The following WASF2 variants were observed in gnomAD, a reference collection of about 807,000 sequenced individuals.
WASF2 encodes the protein WASP family member 2.
A neutral mutation model predicts 45.0 loss-of-function variants in WASF2; 14 were observed. The ratio of observed to expected loss-of-function variants is 0.31; its 90% CI spans 0.21 to 0.49. The LOEUF (loss-of-function observed/expected upper bound fraction) is 0.49, where lower values mean the gene tolerates loss of function less well. Among genes scored for constraint, WASF2 ranks in the 20% least tolerant of loss-of-function variants. WASF2 has a pLI of 0.99. For missense variants in WASF2, 439 were observed against 636.1 expected (o/e 0.69, Z 3.33); for synonymous variants, 200 against 236.3 (o/e 0.85, Z 1.41).
chr1:27,477,637 C>T (rs112535405), intron 1 of WASF2, among the ~76,000 whole-genome samples: 14,880 of 132,398 alleles, frequency 0.11, 1,740 homozygotes, highest in East Asian at 0.27. Context: ...CGGTGGCTCA[C>T]GCCTGTAATC....
chr1:27,427,416 C>T (rs1431790246), intron 2 of WASF2, among the ~76,000 whole-genome samples: 1 of 152,218 alleles, frequency 6.6e-6, no homozygotes, highest in Non-Finnish European at 1.5e-5. Flanking sequence ...ACCCATTTGG[C>T]CTTCTCAGAG....
Position 27,419,065 on chromosome 1 carries a change from CA to C in WASF2, c.153del (p.Phe51LeufsTer15). ...GTATTTGCCTGAGTAAAGAGCTCTC[CA>C]AAAATGTCCTCTGCATATTTACCTG... ...GSLSKYAEDI[F>X]GELFTQANTF... On this transcript the variant is annotated frameshift_variant, in exon 3 of 9. Coordinates refer to ENST00000618852, the MANE Select transcript of WASF2 (RefSeq NM_006990.5). LOFTEE classifies it high-confidence loss of function. 1 of 1,613,902 alleles carries C rather than the reference CA, an allele frequency of 6.2e-7. No individual in the cohort carries two copies.
intron 7 of WASF2, among the ~76,000 whole-genome samples, chr1:27,411,781 T>C (rs1398616510): frequency 1.3e-5 from 2 of 152,214 alleles, no homozygotes; most frequent in South Asian, 2.1e-4. Context: ...GAGAATGGCA[T>C]GAACCCGGGA....
In WASF2 at chr1:27,409,950, A is replaced by G; in HGVS notation, c.1081T>C (p.Phe361Leu). The change falls in exon 8 of 9, where the codon TTT (phenylalanine) becomes CTT (leucine). Residue 361 changes from phenylalanine (F) to leucine (L), a missense_variant. Physicochemically the swap from Phe to Leu is conservative, Grantham distance 22 (BLOSUM62 0). Around this residue, in one of 5 missense-constraint regions of WASF2, gnomAD observed 286 missense variants for 373.5 expected, o/e 0.77. Transcript: ENST00000618852. ...SPPSFPPHPD[F>L]AAPPPPPPPP... ...GGAGGAGGAGGTGGAGGGGCAGCAA[A>G]ATCAGGGTGAGGTGGGAAAGATGGG... 6.2e-7 allele frequency: 1 copy of G among 1,609,096 alleles called. No homozygotes were observed. The highest frequency in any genetic ancestry group is 8.5e-7 in the Non-Finnish European group (1 of 1,177,536).
At position 27,463,613 on chromosome 1, in the gene WASF2, ACT is replaced by A. The variant is rs1395257095; in HGVS notation, c.-44+26371_-44+26372del. Among the ~76,000 whole-genome samples the A allele has an allele frequency of 1.1e-4, 14 of 123,660 alleles. No homozygotes were observed. The South Asian group carries it at 3.4e-3, about 30-fold the overall frequency. 81.1% of individuals were successfully genotyped at this position (123,660 alleles called of 152,430 possible). On this transcript the variant is annotated intron_variant, in intron 1 of 8. Coordinates refer to ENST00000618852, the MANE Select transcript of WASF2 (RefSeq NM_006990.5). ...ACTCTAGCCTGGGCGACAGAGTGAG[ACT>A]CTGTCTCAAAAAAAAAAAAAAAAAA... is the stretch of plus-strand genomic sequence containing the variant.
intron 1 of WASF2, among the ~76,000 whole-genome samples, chr1:27,446,734 T>C (rs1421785769): frequency 1.3e-5 from 2 of 149,954 alleles, no homozygotes; most frequent in Non-Finnish European, 2.9e-5. Context: ...TGCGCCAAGA[T>C]TGTGCCACCA....
chr1:27,412,576 A>G lies in WASF2; in HGVS notation c.820T>C (p.Phe274Leu). ...GGAGTAGGTACCACCATTTACCTGA[A>G]TTCTGCTGGTGGAGGAGGCAAGTTG... ...EDNLPPPPAE[F>L]SYPVDNQRGS... The change falls in exon 7 of 9, where the codon TTC becomes CTC. Residue 274 changes from phenylalanine (F) to leucine (L), a missense_variant. By Grantham distance (22) the Phe-to-Leu change is conservative. This residue lies in a region of WASF2 where 286 missense variants were observed against 373.5 expected (regional missense o/e 0.77). Coordinates refer to ENST00000618852, the MANE Select transcript of WASF2 (RefSeq NM_006990.5). The G allele has an allele frequency of 6.2e-7, 1 of 1,614,170 alleles. No homozygotes were observed. Among genetic ancestry groups the G allele is most frequent in the South Asian group, 1.1e-5 (1 of 91,084 alleles).
chr1:27,479,201 G>A (rs1430495835), intron 1 of WASF2, among the ~76,000 whole-genome samples: 1 of 151,786 alleles, frequency 6.6e-6, no homozygotes, highest in African/African-American at 2.4e-5. Flanking sequence ...CAGGAGAATT[G>A]CTTGAACCCG....
chr1:27,481,679 G>A (rs1028350386), intron 1 of WASF2, among the ~76,000 whole-genome samples: 5 of 149,148 alleles, frequency 3.4e-5, no homozygotes, highest in African/African-American at 9.9e-5. Flanking sequence ...CAACATCATC[G>A]GGCCATTGCA....
intron 2 of WASF2, among the ~76,000 whole-genome samples, chr1:27,423,171 AAAT>A (rs2016932298): frequency 6.6e-6 from 1 of 151,408 alleles, no homozygotes; most frequent in Non-Finnish European, 1.5e-5. Flanking sequence ...TGTTAATTCT[AAAT>A]ACCCTAAGTT....
chr1:27,440,154 A>C (rs1463545579), intron 1 of WASF2, among the ~76,000 whole-genome samples: 1 of 152,246 alleles, frequency 6.6e-6, no homozygotes, highest in Non-Finnish European at 1.5e-5. Flanking sequence ...TGGAAAAGTC[A>C]CAATTCCAAT....
chr1:27,412,454 C>T, intron 7 of WASF2, 118 bp downstream of exon 7: 1 of 1,385,876 alleles, frequency 7.2e-7, no homozygotes, highest in Non-Finnish European at 1.0e-6. Flanking sequence ...GAGATCCTCC[C>T]ACCACCTTGG....
chr1:27,457,943 G>T (rs1224533516), intron 1 of WASF2, among the ~76,000 whole-genome samples: 1 of 152,026 alleles, frequency 6.6e-6, no homozygotes, highest in African/African-American at 2.4e-5. Flanking sequence ...ATATTTTAAC[G>T]TATCTCTGTG....
chr1:27,425,274 G>A (rs910506373), intron 2 of WASF2, among the ~76,000 whole-genome samples: 14 of 152,116 alleles, frequency 9.2e-5, no homozygotes, highest in African/African-American at 2.7e-4. Flanking sequence ...TTTTTGTAGC[G>A]ACAGGGTCTC....
At chr1:27,463,805 T>TTA (rs1160922736) in intron 1 of WASF2, among the ~76,000 whole-genome samples, 2 of 135,862 alleles carry the variant, frequency 1.5e-5, no homozygotes, top group African/African-American at 3.0e-5. Flanking sequence ...ATTATTATTA[T>TTA]TTTTTTTTTT....
intron 1 of WASF2, among the ~76,000 whole-genome samples, chr1:27,463,175 G>A (rs1381744804): frequency 6.6e-6 from 1 of 152,034 alleles, no homozygotes; most frequent in African/African-American, 2.4e-5. Flanking sequence ...GTCAGATAAT[G>A]GAAATAATTA....
intron 1 of WASF2, among the ~76,000 whole-genome samples, chr1:27,454,386 G>A (rs2017439479): frequency 6.8e-6 from 1 of 147,362 alleles, no homozygotes; most frequent in South Asian, 2.1e-4. Context: ...CTGTTTTCCT[G>A]TTGTTCACGG....
chr1:27,438,833 A>C (rs1404090525), intron 1 of WASF2, among the ~76,000 whole-genome samples: 15 of 152,216 alleles, frequency 9.9e-5, no homozygotes, highest in Admixed American at 9.8e-4. Flanking sequence ...ACAAGAATTC[A>C]TTCCTGAAAA....
intron 1 of WASF2, among the ~76,000 whole-genome samples, chr1:27,480,400 C>A (rs1022459230): frequency 6.6e-6 from 1 of 151,778 alleles, no homozygotes; most frequent in African/African-American, 2.4e-5. Context: ...ACCTGTAATC[C>A]CAGCTACTCG....
Sources: gnomAD v4.1 joint callset for allele counts (sites outside exome capture counted in the v4.1 genomes callset) on GRCh38, gnomAD v4.1.1 for gene constraint, gnomAD v4.1.1 regional missense constraint, MANE v1.5 for transcripts, NCBI Gene and HGNC (gene_info 2026-07-23, HGNC 2026-07-21) for gene names.